The following RNLS variants were observed in gnomAD, a reference collection of about 807,000 sequenced individuals.
The protein encoded by RNLS is renalase, FAD dependent amine oxidase.
Under a neutral mutation model 39.8 loss-of-function variants are expected in RNLS, and 39 were observed. That is an observed-to-expected ratio of 0.98 (90% confidence interval 0.76 to 1.28). The LOEUF (loss-of-function observed/expected upper bound fraction) is 1.28, where lower values mean the gene tolerates loss of function less well. RNLS is among the 50% of genes most tolerant of loss of function. The pLI is 0.00. For missense variants in RNLS, 410 were observed against 413.3 expected, an observed-to-expected ratio of 0.99 and a Z score of 0.07; for synonymous variants, 147 against 150.7, an observed-to-expected ratio of 0.98 and a Z score of 0.18.
chr10:88,265,472 C>T, the RNLS span, among the ~76,000 whole-genome samples: 1 of 151,400 alleles, frequency 6.6e-6, no homozygotes, highest in South Asian at 2.1e-4. Flanking sequence ...TTAATTTTAT[C>T]CATCCATGAG....
intron 4 of RNLS, chr10:88,545,502 C>T (rs1848257773): frequency 6.6e-6 from 3 of 455,236 alleles, no homozygotes; most frequent in Non-Finnish European, 1.3e-5. Context: ...CTTTACAAAA[C>T]CATCAGATCT....
At chr10:88,498,418 T>C (rs1845291081) in intron 4 of RNLS, among the ~76,000 whole-genome samples, 1 of 151,406 alleles carries the variant, frequency 6.6e-6, no homozygotes, top group Non-Finnish European at 1.5e-5. Context: ...CAAGGAATAG[T>C]TCTAGATTAA....
intron 4 of RNLS, among the ~76,000 whole-genome samples, chr10:88,439,484 AG>A: frequency 6.6e-6 from 1 of 152,230 alleles, no homozygotes; most frequent in African/African-American, 2.4e-5. Context: ...TTTGTGAGTT[AG>A]GGTGGTTTTG....
At chr10:88,524,868 G>A (rs568916217) in intron 4 of RNLS, among the ~76,000 whole-genome samples, 161 of 147,240 alleles carry the variant, frequency 1.1e-3, no homozygotes, top group Non-Finnish European at 2.0e-3. Flanking sequence ...ATAAAATCAC[G>A]CTTCAGCTTA....
At chr10:88,334,241 T>C (rs1847322659) in intron 5 of RNLS, among the ~76,000 whole-genome samples, 1 of 152,254 alleles carries the variant, frequency 6.6e-6, no homozygotes, top group African/African-American at 2.4e-5. Flanking sequence ...GGGTAATGTT[T>C]GCTAATCTGT....
At chr10:88,189,344 A>G in the RNLS span, among the ~76,000 whole-genome samples, 3 of 152,216 alleles carry the variant, frequency 2.0e-5, no homozygotes, top group Non-Finnish European at 4.4e-5. Flanking sequence ...TGGAGTGTCA[A>G]TAACTTATTG....
chr10:88,476,170 A>G (rs1406520274), intron 4 of RNLS, among the ~76,000 whole-genome samples: 1 of 152,214 alleles, frequency 6.6e-6, no homozygotes, highest in Non-Finnish European at 1.5e-5. Flanking sequence ...TGGAATGCCT[A>G]TTAAAATCTC....
intron 4 of RNLS, among the ~76,000 whole-genome samples, chr10:88,557,337 T>A (rs1156621740): frequency 1.3e-5 from 2 of 152,158 alleles, no homozygotes; most frequent in African/African-American, 4.8e-5. Flanking sequence ...TAGTAAATAC[T>A]ACAAAAGTGT....
chr10:88,575,927 T>C (rs756505029), intron 3 of RNLS, among the ~76,000 whole-genome samples: 5 of 152,198 alleles, frequency 3.3e-5, no homozygotes, highest in Non-Finnish European at 7.3e-5. Flanking sequence ...AATGATCTTT[T>C]ATTCCTTGAA....
At chr10:88,309,533 C>T in intron 6 of RNLS, 1 of 1,069,640 alleles carries the variant, frequency 9.3e-7, no homozygotes, top group South Asian at 1.3e-5. Flanking sequence ...CTCTCTTACT[C>T]CTTTTAACTC....
chr10:88,269,897 GAGTGC>G (rs913011123), downstream of RNLS, among the ~76,000 whole-genome samples: 1 of 152,080 alleles, frequency 6.6e-6, no homozygotes, highest in Non-Finnish European at 1.5e-5. Flanking sequence ...GCCCAGGCTG[GAGTGC>G]AGTGGCAAGA....
Position 88,573,008 on chromosome 10 carries a change from T to A in RNLS, c.421A>T (p.Lys141Ter). 1 of 1,614,090 alleles carries A rather than the reference T, an allele frequency of 6.2e-7. No individual in the cohort carries two copies. Among genetic ancestry groups the A allele is most frequent in the Non-Finnish European group, 8.5e-7 (1 of 1,179,942 alleles). ...CCTGTTTGTTTGGATACTTCCCATT[T>A]GTCATCTCTTAGGTTGATCTGTGTC... ...RVTQINLRDD[K>*]WEVSKQTGSP... is the part of the protein sequence containing the mutation. The change falls in exon 4 of 7, where the codon AAA becomes TAA. Residue 141 changes from lysine (K) to a stop codon, truncating the protein, a stop_gained. Transcript: ENST00000331772. LOFTEE classifies it high-confidence loss of function.
intron 4 of RNLS, among the ~76,000 whole-genome samples, chr10:88,388,632 C>G (rs1435649447): frequency 6.6e-6 from 1 of 152,192 alleles, no homozygotes; most frequent in East Asian, 1.9e-4. Flanking sequence ...TCTACACAGA[C>G]AGTCCTACTC....
intron 4 of RNLS, among the ~76,000 whole-genome samples, chr10:88,563,104 G>A (rs192127729): frequency 2.2e-4 from 34 of 152,250 alleles, no homozygotes; most frequent in African/African-American, 8.2e-4. Context: ...TCTTAGATGA[G>A]AAGATGATCT....
chr10:88,249,656 G>C, the RNLS span, among the ~76,000 whole-genome samples: 1 of 152,140 alleles, frequency 6.6e-6, no homozygotes, highest in Non-Finnish European at 1.5e-5. Context: ...GCTGGCTAGA[G>C]CATCCACACA....
chr10:88,268,788 A>G, the RNLS span, among the ~76,000 whole-genome samples: 1 of 152,210 alleles, frequency 6.6e-6, no homozygotes, highest in African/African-American at 2.4e-5. Context: ...CTTCAAGTCC[A>G]GTGGGAAACT....
chr10:88,536,288 G>A (rs766890208), intron 4 of RNLS, among the ~76,000 whole-genome samples: 22 of 152,208 alleles, frequency 1.4e-4, no homozygotes, highest in South Asian at 2.1e-4. Context: ...ATCCCACTGA[G>A]ACTACCTTAA....
chr10:88,489,547 C>T (rs1317680277), intron 4 of RNLS, among the ~76,000 whole-genome samples: 1 of 152,096 alleles, frequency 6.6e-6, no homozygotes, highest in Non-Finnish European at 1.5e-5. Context: ...AAAGAAAATG[C>T]CAAAATGGAT....
chr10:88,512,469 A>G (rs1026996392), intron 4 of RNLS, among the ~76,000 whole-genome samples: 1 of 151,956 alleles, frequency 6.6e-6, no homozygotes, highest in Non-Finnish European at 1.5e-5. Flanking sequence ...ACCAAACAAC[A>G]TAGGTAATAC....
Sources: gnomAD v4.1 joint callset for allele counts (sites outside exome capture counted in the v4.1 genomes callset) on GRCh38, gnomAD v4.1.1 for gene constraint, MANE v1.5 for transcripts, NCBI Gene and HGNC (gene_info 2026-07-23, HGNC 2026-07-21) for gene names.